The following TCF12 variants were observed in gnomAD, a reference collection of about 807,000 sequenced individuals.
TCF12 encodes the protein transcription factor 12, also known as DNA-binding protein HTF4.
TCF12 carries 45 observed loss-of-function variants against 86.0 expected under a neutral mutation model. The observed-to-expected ratio is 0.52, with a 90% confidence interval of 0.41 to 0.67. The LOEUF (loss-of-function observed/expected upper bound fraction) is 0.67. TCF12 is among the 30% of genes least tolerant of loss of function. TCF12 has a pLI of 0.00. For missense variants in TCF12, 881 were observed against 859.9 expected (o/e 1.02, Z -0.31); for synonymous variants, 330 against 299.6 (o/e 1.10, Z -1.05).
At chr15:57,232,983 G>T in intron 11 of TCF12, 127 bp downstream of exon 11, 1 of 520,274 alleles carries the variant, frequency 1.9e-6, no homozygotes. Flanking sequence ...TGTTATATAT[G>T]TATATGTGTG....
In TCF12 at chr15:57,176,198, T is replaced by C. The variant is rs188863219; in HGVS notation, c.390+9732T>C. On this transcript the variant is annotated intron_variant, in intron 6 of 20. Transcript: ENST00000333725. ...AGGTGACAGAATGAAACCCTGTCTC[T>C]AGAGAAAAAGAAATAGAAGACCTTA... Among the ~76,000 whole-genome samples, 32 of 152,286 alleles carry C rather than the reference T, an allele frequency of 2.1e-4. No homozygotes were observed. In the East Asian group the frequency reaches 6.2e-3, roughly 29 times the overall value.
At position 56,972,860 on chromosome 15, in the gene TCF12, T is replaced by G. The variant is rs1461874274; in HGVS notation, c.148+51762T>G. On this transcript the variant is annotated intron_variant, in intron 3 of 20. Transcript: ENST00000333725. Reference sequence around the variant, plus strand: ...AGTTATGGAGGGGAGGGGAACAGACTAACACAACTTTTGAACACAGTGTTT... The same window carrying G: ...AGTTATGGAGGGGAGGGGAACAGACGAACACAACTTTTGAACACAGTGTTT... 9.2e-5 allele frequency among the ~76,000 whole-genome samples: 14 copies of G among 152,322 alleles called. No homozygotes were observed. The South Asian group carries it at 1.2e-3, about 14-fold the overall frequency.
At chr15:57,212,577 C>A (rs1432194511) in intron 8 of TCF12, among the ~76,000 whole-genome samples, 1 of 152,058 alleles carries the variant, frequency 6.6e-6, no homozygotes, top group African/African-American at 2.4e-5. Flanking sequence ...CATACCCTGC[C>A]TTGATTTTTC....
chr15:57,188,961 T>C (rs1490250954), intron 6 of TCF12, among the ~76,000 whole-genome samples: 1 of 152,174 alleles, frequency 6.6e-6, no homozygotes, highest in Non-Finnish European at 1.5e-5. Context: ...CTAATGGTTT[T>C]AATTTTTTGT....
intron 16 of TCF12, among the ~76,000 whole-genome samples, chr15:57,257,185 C>T (rs149628332): frequency 8.0e-4 from 122 of 152,318 alleles, no homozygotes; most frequent in African/African-American, 2.9e-3. Flanking sequence ...CTTGGGAATT[C>T]CTGCTTATAA....
At chr15:56,966,462 A>C (rs2062009914) in intron 3 of TCF12, among the ~76,000 whole-genome samples, 1 of 152,232 alleles carries the variant, frequency 6.6e-6, no homozygotes, top group Non-Finnish European at 1.5e-5. Context: ...CCTTGTTAAA[A>C]TCAGAGATTG....
intron 5 of TCF12, among the ~76,000 whole-genome samples, chr15:57,163,252 T>C (rs574291560): frequency 6.6e-6 from 1 of 152,322 alleles, no homozygotes; most frequent in Non-Finnish European, 1.5e-5. Context: ...AAATTGTTTA[T>C]TGATATGATA....
At chr15:57,224,393 T>C (rs984763214) in intron 8 of TCF12, among the ~76,000 whole-genome samples, 4 of 152,142 alleles carry the variant, frequency 2.6e-5, no homozygotes, top group African/African-American at 9.7e-5. Context: ...ATCAGTAATA[T>C]GCCCAGTGAT....
At chr15:57,219,596 C>T (rs779565306) in intron 8 of TCF12, 1 of 1,611,714 alleles carries the variant, frequency 6.2e-7, no homozygotes, top group Admixed American at 1.7e-5. Context: ...AAACGGTAAG[C>T]CTTTTTCTTT....
At chr15:57,092,964 T>C (rs1360645975) in intron 5 of TCF12, among the ~76,000 whole-genome samples, 1 of 152,208 alleles carries the variant, frequency 6.6e-6, no homozygotes, top group Non-Finnish European at 1.5e-5. Flanking sequence ...GTTTCCCTTA[T>C]TCTCTATAGT....
At position 56,967,036 on chromosome 15, in the gene TCF12, C is replaced by G. The variant is rs117648995; in HGVS notation, c.148+45938C>G. On this transcript the variant is annotated intron_variant, in intron 3 of 20. Transcript: ENST00000333725. ...ACTCGGGAGGCTGAGACATGAGAATCGCTTCAACCTGGGAGGCAGTGGTTT... is the reference window on the plus strand; with the variant it reads ...ACTCGGGAGGCTGAGACATGAGAATGGCTTCAACCTGGGAGGCAGTGGTTT... Among the ~76,000 whole-genome samples the G allele has an allele frequency of 4.3e-4, 65 of 152,184 alleles. 1 individual carries two copies. In the East Asian group the frequency reaches 0.012, roughly 29 times the overall value.
At position 57,077,921 on chromosome 15, in the gene TCF12, T is replaced by G. The variant is rs183496044; in HGVS notation, c.223-13868T>G. ...TATTGTTAACTAGGTACCAGAAACT[T>G]AAATAACACATTTATTGTCTCGTCT... is the stretch of plus-strand genomic sequence containing the variant. On this transcript the variant is annotated intron_variant, in intron 4 of 20. Coordinates refer to ENST00000333725, the MANE Select transcript of TCF12 (RefSeq NM_207037.2). Among the ~76,000 whole-genome samples, 14 of 152,282 alleles carry G rather than the reference T, an allele frequency of 9.2e-5. No homozygotes were observed. The East Asian group carries it at 1.2e-3, about 13-fold the overall frequency.
At position 57,063,816 on chromosome 15, in the gene TCF12, C is replaced by G; in HGVS notation, c.215C>G (p.Ser72Ter). The change falls in exon 4 of 21, where the codon TCA becomes TGA. Residue 72 changes from serine to a stop codon, truncating the protein, a stop_gained. Coordinates refer to ENST00000333725, the MANE Select transcript of TCF12 (RefSeq NM_207037.2). LOFTEE classifies it high-confidence loss of function. ...TSGQPSPSYD[S>*]SRGFTDSPHY... is the part of the protein sequence containing the mutation. The stretch of plus-strand genomic sequence containing the variant: ...GGTCAACCAAGTCCTTCCTATGATT[C>G]ATCTAGAGTAAGTTTGCTGATCAAC... 1 of 1,596,622 alleles carries G rather than the reference C, an allele frequency of 6.3e-7. No homozygotes were observed. The highest frequency in any genetic ancestry group is 8.6e-7 in the Non-Finnish European group (1 of 1,166,548).
At chr15:56,920,870 C>T (rs2059760917) in intron 2 of TCF12, among the ~76,000 whole-genome samples, 156 bp from the exon 3 acceptor site, 1 of 152,144 alleles carries the variant, frequency 6.6e-6, no homozygotes, top group African/African-American at 2.4e-5. Context: ...TAGTATCATT[C>T]AGTGTATTTG....
intron 5 of TCF12, among the ~76,000 whole-genome samples, chr15:57,124,717 G>C (rs146358299): frequency 1.3e-5 from 2 of 151,126 alleles, no homozygotes; most frequent in African/African-American, 4.9e-5. Context: ...TCACTCTGTT[G>C]CCCAGGCTGG....
intron 3 of TCF12, among the ~76,000 whole-genome samples, chr15:56,959,571 GT>G (rs1173152750): frequency 1.3e-5 from 2 of 152,188 alleles, no homozygotes; most frequent in African/African-American, 4.8e-5. Flanking sequence ...CAATAATTCA[GT>G]TTTTGTAGGA....
At chr15:56,996,667 A>G (rs546355249) in intron 3 of TCF12, among the ~76,000 whole-genome samples, 1 of 152,350 alleles carries the variant, frequency 6.6e-6, no homozygotes, top group East Asian at 1.9e-4. Flanking sequence ...GCTTCTGGAC[A>G]GCAAGAGAAA....
intron 8 of TCF12, among the ~76,000 whole-genome samples, chr15:57,223,952 T>C (rs988908465): frequency 6.6e-6 from 1 of 151,974 alleles, no homozygotes; most frequent in Admixed American, 6.6e-5. Flanking sequence ...TAATATAGAA[T>C]GCTAAAGACA....
intron 3 of TCF12, among the ~76,000 whole-genome samples, chr15:57,019,736 A>G (rs559061311): frequency 6.8e-6 from 1 of 147,408 alleles, no homozygotes; most frequent in Non-Finnish European, 1.5e-5. Context: ...CTCAATAGTG[A>G]TGTTATCTAT....
Sources: allele counts gnomAD v4.1 joint callset (sites outside exome capture counted in the v4.1 genomes callset), GRCh38; gene constraint gnomAD v4.1.1; transcripts MANE v1.5; gene names NCBI Gene and HGNC (gene_info 2026-07-23, HGNC 2026-07-21).